Variants in SATB1 observed in about 807,000 individuals in gnomAD.
The protein encoded by SATB1 is SATB homeobox 1.
In SATB1, 11 loss-of-function variants were observed where a neutral mutation model predicts 86.9. That is an observed-to-expected ratio of 0.13 (90% CI 0.08 to 0.21). The LOEUF (loss-of-function observed/expected upper bound fraction) is 0.21, where lower values mean the gene tolerates loss of function less well. Among genes scored for constraint, SATB1 ranks in the 10% least tolerant of loss-of-function variants. The pLI, the probability that SATB1 is intolerant of heterozygous loss-of-function variation, is 1.00. For synonymous variants in SATB1, 357 were observed against 357.2 expected (o/e 1.00, Z 0.01); for missense variants, 551 against 937.6 (o/e 0.59, Z 5.39).
chr3:18,366,702 T>C lies in SATB1; in HGVS notation c.1575+11468A>G, dbSNP rs370981226. Among the ~76,000 whole-genome samples, 18 of 152,288 alleles carry C rather than the reference T, an allele frequency of 1.2e-4. No individual in the cohort carries two copies. In the South Asian group the frequency reaches 2.3e-3, roughly 19 times the overall value. On this transcript the variant is annotated intron_variant, in intron 9 of 10. Coordinates refer to ENST00000338745, the MANE Select transcript of SATB1 (RefSeq NM_002971.6). Reference sequence around the variant, plus strand: ...GTATGATAATAGGGAGAGTTCCCAGTCATCTATCAACAAGTCTCAGATGAA... The same window carrying C: ...GTATGATAATAGGGAGAGTTCCCAGCCATCTATCAACAAGTCTCAGATGAA...
intron 8 of SATB1, among the ~76,000 whole-genome samples, chr3:18,381,803 T>C (rs1426760359): frequency 6.6e-6 from 1 of 152,136 alleles, no homozygotes; most frequent in Non-Finnish European, 1.5e-5. Flanking sequence ...TGTCCTCTTT[T>C]ATGGATGCTT....
intron 2 of SATB1, among the ~76,000 whole-genome samples, chr3:18,433,468 TATA>T (rs1234070531): frequency 6.6e-6 from 1 of 152,172 alleles, no homozygotes; most frequent in Non-Finnish European, 1.5e-5. Context: ...TATATCTACA[TATA>T]ATAATTTGAA....
rs1699337873 is a variant in SATB1, at chr3:18,444,824, G to C, written c.-25+694C>G. On this transcript the variant is annotated intron_variant, in intron 1 of 3. Coordinates refer to the SATB1 transcript ENST00000415069. The surrounding 1 kb of genome is among the most constrained non-coding windows in gnomAD (Gnocchi z 5.1). Reference sequence around the variant, plus strand: ...CCATACGAAGTGGGCGTTTAAAGGGGAGAGCGAGGCGAGGAGCGAGCGAGC... The same window carrying C: ...CCATACGAAGTGGGCGTTTAAAGGGCAGAGCGAGGCGAGGAGCGAGCGAGC... 4.7e-6 allele frequency: 1 copy of C among 211,232 alleles called. No individual in the cohort carries two copies. The highest frequency in any genetic ancestry group is 8.1e-6 in the Non-Finnish European group (1 of 123,476). 13.1% of individuals were successfully genotyped at this position (211,232 alleles called of 1,614,324 possible).
intron 9 of SATB1, among the ~76,000 whole-genome samples, chr3:18,358,316 A>G (rs1315422156): frequency 6.6e-6 from 1 of 151,998 alleles, no homozygotes; most frequent in East Asian, 1.9e-4. Context: ...AAATGTTATG[A>G]AGTTCTTTAG....
chr3:18,398,500 A>G (rs1697076884), intron 5 of SATB1, among the ~76,000 whole-genome samples: 1 of 152,168 alleles, frequency 6.6e-6, no homozygotes, highest in African/African-American at 2.4e-5. Context: ...TTTGGGGACA[A>G]AAGTATTTTT....
chr3:18,440,290 C>T (rs1241680875), upstream of SATB1, among the ~76,000 whole-genome samples: 2 of 152,136 alleles, frequency 1.3e-5, no homozygotes, highest in Non-Finnish European at 2.9e-5. Flanking sequence ...CATAACATTT[C>T]TTTCAACTGG....
In SATB1 at chr3:18,374,215, G is replaced by T. The variant is rs576372972; in HGVS notation, c.1575+3955C>A. On this transcript the variant is annotated intron_variant, in intron 9 of 10. Transcript: ENST00000338745. ...CCTTAAGTCTCAGAGCTCTCGAGGG[G>T]TTTGCTGTGGAATAAAATTAGATTC... Among the ~76,000 whole-genome samples, 5 of 152,254 alleles carry T rather than the reference G, an allele frequency of 3.3e-5. No homozygotes were observed. In the East Asian group the frequency reaches 9.7e-4, roughly 29 times the overall value.
chr3:18,415,835 A>G (rs1056540941), intron 4 of SATB1, among the ~76,000 whole-genome samples, 172 bp downstream of exon 4: 5 of 152,042 alleles, frequency 3.3e-5, no homozygotes, highest in Non-Finnish European at 7.4e-5. Context: ...CTTTTAAATT[A>G]TACATTGAAG....
At chr3:18,397,154 C>T in intron 6 of SATB1, 25 bp downstream of exon 6, 3 of 1,291,898 alleles carry the variant, frequency 2.3e-6, no homozygotes, top group Non-Finnish European at 1.1e-6. Context: ...TATGTAGCCA[C>T]TGCTGCAATG....
chr3:18,413,387 G>C (rs900808713), intron 5 of SATB1, among the ~76,000 whole-genome samples: 10 of 152,208 alleles, frequency 6.6e-5, no homozygotes, highest in African/African-American at 1.7e-4. Context: ...TTAAGTATTT[G>C]TCTGAATATA....
At chr3:18,358,279 T>C (rs1296375003) in intron 9 of SATB1, among the ~76,000 whole-genome samples, 1 of 152,056 alleles carries the variant, frequency 6.6e-6, no homozygotes, top group African/African-American at 2.4e-5. Context: ...CTTAAGATAT[T>C]GTTCTTTACC....
chr3:18,415,355 C>G, intron 4 of SATB1, 121 bp from the exon 5 acceptor site: 2 of 1,132,462 alleles, frequency 1.8e-6, no homozygotes, highest in Non-Finnish European at 2.6e-6. Context: ...AGATTGCTCT[C>G]GGTCTCCTGA....
In SATB1 at chr3:18,437,265, A is replaced by T. The variant is rs557307256; in HGVS notation, c.-107-394T>A. ...GGTATCTCAAAATACAATTTGGAAA[A>T]ACTAAAACCACTGAGGAGCAATAAT... On this transcript the variant is annotated intron_variant, in intron 1 of 3. Transcript: ENST00000414509. Among the ~76,000 whole-genome samples the T allele has an allele frequency of 9.9e-5, 15 of 152,268 alleles. No homozygotes were observed. In the East Asian group the frequency reaches 2.7e-3, roughly 27 times the overall value.
intron 7 of SATB1, among the ~76,000 whole-genome samples, chr3:18,393,414 T>C (rs1012131711): frequency 2.0e-5 from 3 of 152,158 alleles, no homozygotes; most frequent in Non-Finnish European, 2.9e-5. Flanking sequence ...ATCATACTAG[T>C]TTCCAAACAA....
Position 18,349,064 on chromosome 3 carries a change from T to C in SATB1, c.*106A>G. 6.7e-7 allele frequency: 1 copy of C among 1,495,874 alleles called. No homozygotes were observed. The allele number at this position is 1,495,874 out of a possible 1,614,324, so 92.7% of individuals were successfully genotyped here. On this transcript the variant is annotated 3_prime_UTR_variant, in exon 11 of 11. Coordinates refer to ENST00000338745, the MANE Select transcript of SATB1 (RefSeq NM_002971.6). This position sits in a 1 kb window ranked among gnomAD's most constrained non-coding sequence, Gnocchi z 5.5. Reference sequence around the variant, plus strand: ...TTTGTGCAAGTTTTTGAAGATTCATTGGCCAAACAATGAACAACAAAGGTT... The same window carrying C: ...TTTGTGCAAGTTTTTGAAGATTCATCGGCCAAACAATGAACAACAAAGGTT...
intron 9 of SATB1, among the ~76,000 whole-genome samples, chr3:18,365,652 G>A (rs62238533): frequency 6.6e-6 from 1 of 152,052 alleles, no homozygotes; most frequent in Non-Finnish European, 1.5e-5. Context: ...GGGGGAGACA[G>A]GTAGAAAATA....
intron 9 of SATB1, among the ~76,000 whole-genome samples, chr3:18,370,994 C>CTG (rs1695452983): frequency 6.6e-6 from 1 of 152,180 alleles, no homozygotes; most frequent in Admixed American, 6.5e-5. Context: ...TTGAAGGAGT[C>CTG]TGTGCATCAA....
At position 18,397,195 on chromosome 3, in the gene SATB1, C is replaced by T; in HGVS notation, c.735G>A (p.Lys245=). The T allele has an allele frequency of 6.3e-7, 1 of 1,599,870 alleles. No homozygotes were observed. The highest frequency in any genetic ancestry group is 1.1e-5 in the South Asian group (1 of 90,762). ...EFGRWYKHFK[K]TKDMMVEMDS... is the part of the protein sequence containing the mutation. Reference sequence around the variant, plus strand: ...TTTGCTTACCCATCATATCTTTTGTCTTCTTGAAATGTTTGTACCACCTTC... The same window carrying T: ...TTTGCTTACCCATCATATCTTTTGTTTTCTTGAAATGTTTGTACCACCTTC... Residue 245 remains lysine, a synonymous_variant, in exon 6 of 11, where the codon AAG becomes AAA. Transcript: ENST00000338745.
intron 1 of SATB1, chr3:18,445,367 G>T: frequency 1.0e-6 from 1 of 985,050 alleles, no homozygotes. Flanking sequence ...GGGGGGCGGC[G>T]GGCCGGAGGG....
Sources: allele counts gnomAD v4.1 joint callset (sites outside exome capture counted in the v4.1 genomes callset), GRCh38; gene constraint gnomAD v4.1.1; non-coding constraint Gnocchi (gnomAD v3.1); transcripts MANE v1.5; gene names NCBI Gene and HGNC (gene_info 2026-07-23, HGNC 2026-07-21).